Variants in DMRT1 observed in about 807,000 individuals in gnomAD.
DMRT1 encodes the protein doublesex- and mab-3-related transcription factor 1.
Under a neutral mutation model 32.3 loss-of-function variants are expected in DMRT1, and 7 were observed. That is an observed-to-expected ratio of 0.22 (90% CI 0.12 to 0.41). DMRT1 has a LOEUF of 0.41. Ranked by LOEUF, DMRT1 falls within the 10% of genes least tolerant of loss-of-function variation. DMRT1 has a pLI of 1.00. For missense variants in DMRT1, 625 were observed against 500.5 expected, an observed-to-expected ratio of 1.25 and a Z score of -2.37; for synonymous variants, 278 against 206.1, an observed-to-expected ratio of 1.35 and a Z score of -2.99.
intron 4 of DMRT1, among the ~76,000 whole-genome samples, chr9:957,935 G>C (rs1052942767): frequency 2.0e-5 from 3 of 152,164 alleles, no homozygotes; most frequent in Non-Finnish European, 4.4e-5. Flanking sequence ...ACCTGAACCC[G>C]CAGGCGGAGG....
At chr9:942,660 C>T (rs931067444) in intron 4 of DMRT1, among the ~76,000 whole-genome samples, 4 of 152,148 alleles carry the variant, frequency 2.6e-5, no homozygotes, top group Admixed American at 2.6e-4. Context: ...GGAGGTACAT[C>T]TCAAGTTTAT....
At chr9:873,902 C>A (rs1471205545) in intron 2 of DMRT1, among the ~76,000 whole-genome samples, 1 of 152,086 alleles carries the variant, frequency 6.6e-6, no homozygotes, top group Non-Finnish European at 1.5e-5. Context: ...GTACTCCCCC[C>A]AAAATTCAAT....
intron 2 of DMRT1, among the ~76,000 whole-genome samples, chr9:874,650 A>C (rs889881114): frequency 6.6e-6 from 1 of 152,076 alleles, no homozygotes; most frequent in Non-Finnish European, 1.5e-5. Context: ...TCAAATCTTG[A>C]TGCCTTAATT....
At position 965,814 on chromosome 9, in the gene DMRT1, C is replaced by T. The variant is rs1311446283; in HGVS notation, c.968-2171C>T. 6.6e-6 allele frequency among the ~76,000 whole-genome samples: 1 copy of T among 152,190 alleles called. No homozygotes were observed. The highest frequency in any genetic ancestry group is 1.5e-5 in the Non-Finnish European group (1 of 68,030). On this transcript the variant is annotated intron_variant, in intron 4 of 4. Transcript: ENST00000382276. This position sits in a 1 kb window ranked among gnomAD's most constrained non-coding sequence, Gnocchi z 4.5. ...GGTTGGTGCAGGGGCCAGAGCACGC[C>T]AGAGTCAGCCTAATCAGTACAGTGC...
intron 3 of DMRT1, among the ~76,000 whole-genome samples, chr9:914,213 T>A (rs1372506590): frequency 1.3e-5 from 2 of 152,174 alleles, no homozygotes; most frequent in Non-Finnish European, 2.9e-5. Context: ...GTCTTATTTA[T>A]TAGGGGTAGC....
chr9:952,680 G>A (rs1281611699), intron 4 of DMRT1, among the ~76,000 whole-genome samples: 2 of 152,114 alleles, frequency 1.3e-5, no homozygotes, highest in Non-Finnish European at 2.9e-5. Flanking sequence ...AGTGAGTGCT[G>A]GACTTCCACT....
At position 881,093 on chromosome 9, in the gene DMRT1, A is replaced by T. The variant is rs150675234; in HGVS notation, c.539-12819A>T. On this transcript the variant is annotated intron_variant, in intron 2 of 4. Coordinates refer to ENST00000382276, the MANE Select transcript of DMRT1 (RefSeq NM_021951.3). ...AAGTGGTCTGGGGTGTGGCCTGATC[A>T]TGGGGAATTCTATAGACCCCCCCCA... 8.4e-3 allele frequency among the ~76,000 whole-genome samples: 1,274 copies of T among 151,692 alleles called. 72 individuals are homozygous for T. Among genetic ancestry groups the T allele is most frequent in the East Asian group, 2.3e-3 (12 of 5,168 alleles).
At chr9:866,230 T>G (rs1438404189) in intron 2 of DMRT1, among the ~76,000 whole-genome samples, 1 of 149,516 alleles carries the variant, frequency 6.7e-6, no homozygotes, top group Non-Finnish European at 1.5e-5. Flanking sequence ...CTCAGGACTC[T>G]GAGACTGGGA....
intron 2 of DMRT1, among the ~76,000 whole-genome samples, chr9:879,254 G>A (rs139381361): frequency 5.3e-5 from 8 of 151,946 alleles, no homozygotes; most frequent in African/African-American, 1.7e-4. Flanking sequence ...ATTTATGTGG[G>A]TTATATCTAT....
intron 4 of DMRT1, among the ~76,000 whole-genome samples, chr9:932,454 A>G (rs1267071845): frequency 6.6e-6 from 1 of 152,250 alleles, no homozygotes; most frequent in South Asian, 2.1e-4. Flanking sequence ...ATGTCTATAT[A>G]GACCATCCAT....
intron 2 of DMRT1, among the ~76,000 whole-genome samples, chr9:876,558 T>A (rs914758214): frequency 6.7e-6 from 1 of 149,824 alleles, no homozygotes; most frequent in Non-Finnish European, 1.5e-5. Context: ...TGAGACAGAG[T>A]CTTGCCCTAT....
chr9:907,879 TG>T (rs1817836828), intron 3 of DMRT1, among the ~76,000 whole-genome samples: 2 of 151,764 alleles, frequency 1.3e-5, no homozygotes, highest in Non-Finnish European at 2.9e-5. Context: ...TAACACACAC[TG>T]ACTGCATACT....
chr9:951,280 A>T (rs1180529113), intron 4 of DMRT1, among the ~76,000 whole-genome samples: 1 of 152,042 alleles, frequency 6.6e-6, no homozygotes, highest in Non-Finnish European at 1.5e-5. Context: ...CCTGGAAGGC[A>T]GAGTTAAAGA....
intron 4 of DMRT1, among the ~76,000 whole-genome samples, chr9:918,363 G>T (rs1263426412): frequency 3.3e-5 from 5 of 152,194 alleles, no homozygotes. Flanking sequence ...TGAAGCACTG[G>T]CGTTCTTGAG....
chr9:854,779 T>G (rs1815318160), intron 2 of DMRT1, among the ~76,000 whole-genome samples: 1 of 126,812 alleles, frequency 7.9e-6, no homozygotes, highest in African/African-American at 3.0e-5. Context: ...CTCCTTTTTT[T>G]TTTTGAAACA....
At chr9:867,130 G>T (rs1816026146) in intron 2 of DMRT1, among the ~76,000 whole-genome samples, 1 of 152,128 alleles carries the variant, frequency 6.6e-6, no homozygotes, top group Non-Finnish European at 1.5e-5. Flanking sequence ...TTACAGCAGT[G>T]GAGAGGAGTT....
intron 4 of DMRT1, among the ~76,000 whole-genome samples, chr9:924,238 A>G (rs1818450670): frequency 6.6e-6 from 1 of 151,858 alleles, no homozygotes; most frequent in African/African-American, 2.4e-5. Context: ...CACCCAGCTA[A>G]CTTTTGTATT....
intron 1 of DMRT1, among the ~76,000 whole-genome samples, chr9:843,342 C>T (rs1424430493): frequency 2.0e-5 from 3 of 152,228 alleles, no homozygotes; most frequent in South Asian, 4.1e-4. Flanking sequence ...TTGTCTTCGC[C>T]CTCCGTGGAT....
Position 842,186 on chromosome 9 carries a change from C to A in DMRT1, c.348C>A (p.Ala116=), listed in dbSNP as rs566591888. 3.0e-5 allele frequency: 46 copies of A among 1,538,476 alleles called. No homozygotes were observed. The highest frequency in any genetic ancestry group is 2.2e-4 in the East Asian group (9 of 41,152). Residue 116 remains alanine, a synonymous_variant, in exon 1 of 5, where the codon GCC becomes GCA. Transcript: ENST00000382276. ...NLIAERQRVM[A]AQVALRRQQA... Reference sequence around the variant, plus strand: ...TCGCCGAGAGGCAGCGCGTGATGGCCGCGCAGGTGGGTGCGGGCGTGCGGG... The same window carrying A: ...TCGCCGAGAGGCAGCGCGTGATGGCAGCGCAGGTGGGTGCGGGCGTGCGGG...
Sources: gnomAD v4.1 joint callset for allele counts (sites outside exome capture counted in the v4.1 genomes callset) on GRCh38, gnomAD v4.1.1 for gene constraint, Gnocchi (gnomAD v3.1) non-coding constraint, MANE v1.5 for transcripts, NCBI Gene and HGNC (gene_info 2026-07-23, HGNC 2026-07-21) for gene names.